Variants in CDKL2 observed in about 807,000 individuals in gnomAD.
CDKL2 encodes the protein cyclin-dependent kinase-like 2.
CDKL2 carries 64 observed loss-of-function variants against 63.9 expected under a neutral mutation model. The ratio of observed to expected loss-of-function variants is 1.00; its 90% CI spans 0.82 to 1.23. The LOEUF is 1.23. CDKL2 is among the 50% of genes most tolerant of loss of function. CDKL2 has a pLI of 0.00. For synonymous variants in CDKL2, 211 were observed against 229.2 expected, an observed-to-expected ratio of 0.92 and a Z score of 0.72; for missense variants, 656 against 668.0, an observed-to-expected ratio of 0.98 and a Z score of 0.20.
At chr4:75,591,757 C>G in intron 12 of CDKL2, 62 bp downstream of exon 12, 2 of 1,077,132 alleles carry the variant, frequency 1.9e-6, no homozygotes, top group Non-Finnish European at 2.7e-6. Context: ...CCCTAAAATA[C>G]TTTACTAGTA....
intron 1 of CDKL2, among the ~76,000 whole-genome samples, chr4:75,626,652 G>C (rs183336678): frequency 4.7e-5 from 4 of 84,482 alleles, no homozygotes; most frequent in Admixed American, 1.1e-4. Flanking sequence ...GGGCAACAGA[G>C]TGAGACTCCA....
At chr4:75,626,400 C>T (rs752733407) in intron 1 of CDKL2, among the ~76,000 whole-genome samples, 37 of 152,100 alleles carry the variant, frequency 2.4e-4, no homozygotes, top group Admixed American at 8.5e-4. Flanking sequence ...GGCGCAGTGG[C>T]TCACGCCTGT....
At chr4:75,582,163 AAGCCCACTAC>A (rs1414590745) in intron 12 of CDKL2, among the ~76,000 whole-genome samples, 5 of 152,214 alleles carry the variant, frequency 3.3e-5, no homozygotes, top group Non-Finnish European at 7.3e-5. Context: ...AAGGCAGTGT[AAGCCCACTAC>A]AGCCCATCTC....
intron 6 of CDKL2, among the ~76,000 whole-genome samples, chr4:75,600,724 G>T (rs1034986393): frequency 2.6e-5 from 4 of 152,170 alleles, no homozygotes; most frequent in Non-Finnish European, 4.4e-5. Flanking sequence ...TTCCCAAAAT[G>T]CTGGGATTAC....
At chr4:75,606,250 T>C (rs1267034986) in intron 4 of CDKL2, among the ~76,000 whole-genome samples, 1 of 150,886 alleles carries the variant, frequency 6.6e-6, no homozygotes, top group Non-Finnish European at 1.5e-5. Flanking sequence ...AATCTCACTC[T>C]GTCGCCCAGG....
chr4:75,603,744 TAA>T (rs371497008), intron 6 of CDKL2, 71 bp downstream of exon 6: 32,106 of 590,738 alleles, frequency 0.054, no homozygotes, highest in South Asian at 0.069. Flanking sequence ...ACTAGACAAG[TAA>T]AAAAAAAAAA....
At chr4:75,596,913 A>G in intron 9 of CDKL2, 22 bp downstream of exon 9, 1 of 1,574,448 alleles carries the variant, frequency 6.4e-7, no homozygotes, top group Non-Finnish European at 8.6e-7. Context: ...CACTTTTTTG[A>G]TCTTATTTTA....
rs1302869974 is a variant in CDKL2 at position 75,581,902 on chromosome 4, T to C, written c.1648-4A>G. 6.2e-7 allele frequency: 1 copy of C among 1,600,266 alleles called. No individual in the cohort carries two copies. Among genetic ancestry groups the C allele is most frequent in the South Asian group, 1.1e-5 (1 of 90,536 alleles). On this transcript the variant is annotated splice_region_variant and splice_polypyrimidine_tract_variant and intron_variant, in intron 12 of 13. Transcript: ENST00000307465. ...CTGACAGGGGAGGTCCTGATACCTA[T>C]AAATTAATAATAGAGCATCATAGGT...
Position 75,597,123 on chromosome 4 carries a change from G to A in CDKL2, c.1134C>T (p.Leu378=), listed in dbSNP as rs2148876612. 1 of 1,614,116 alleles carries A rather than the reference G, an allele frequency of 6.2e-7. No homozygotes were observed. The highest frequency in any genetic ancestry group is 8.5e-7 in the Non-Finnish European group (1 of 1,180,012). Residue 378 remains leucine (L), a synonymous_variant, in exon 9 of 14, where the codon CTC becomes CTT. Coordinates refer to ENST00000307465, the MANE Select transcript of CDKL2 (RefSeq NM_001330724.2). ...KGNRASNASC[L]HDSRTSHNKI... is the part of the protein sequence containing the mutation. ...TGTTGTGGCTTGTCCTACTGTCATG[G>A]AGACAGCTGGCATTTGAAGCTCTAT... is the stretch of plus-strand genomic sequence containing the variant.
chr4:75,616,206 A>T (rs1010874578), intron 2 of CDKL2, among the ~76,000 whole-genome samples: 5 of 152,066 alleles, frequency 3.3e-5, no homozygotes, highest in Non-Finnish European at 5.9e-5. Flanking sequence ...TGGGAGGCTG[A>T]AGTGGAGGGA....
At position 75,596,954 on chromosome 4, in the gene CDKL2, T is replaced by G. The variant is rs201875505; in HGVS notation, c.1303A>C (p.Ile435Leu). 1.6e-4 allele frequency: 251 copies of G among 1,613,608 alleles called. No individual in the cohort carries two copies. The highest frequency in any genetic ancestry group is 1.9e-4 in the Non-Finnish European group (226 of 1,179,642). Residue 435 changes from isoleucine (I) to leucine (L), a missense_variant, in exon 9 of 14, where the codon ATA becomes CTA. By Grantham distance (5) the Ile-to-Leu change is conservative. Coordinates refer to ENST00000307465, the MANE Select transcript of CDKL2 (RefSeq NM_001330724.2). ...SINSGMGTET[I>L]PIQGYRVDEK... ...TCATACCTGTAACCCTGAATTGGTA[T>G]AGTCTCAGTCCCCATTCCAGAATTA... is the stretch of plus-strand genomic sequence containing the variant.
intron 12 of CDKL2, among the ~76,000 whole-genome samples, chr4:75,586,380 C>T (rs1313273872): frequency 6.6e-6 from 1 of 151,814 alleles, no homozygotes; most frequent in Non-Finnish European, 1.5e-5. Flanking sequence ...CGCCTGCCAC[C>T]ACGCCCAGCT....
At position 75,596,320 on chromosome 4, in the gene CDKL2, TTC is replaced by T. The variant is rs1252399151; in HGVS notation, c.1341_1342del (p.Lys448ValfsTer7). On this transcript the variant is annotated frameshift_variant, in exon 10 of 14. Coordinates refer to ENST00000307465, the MANE Select transcript of CDKL2 (RefSeq NM_001330724.2). LOFTEE classifies it high-confidence loss of function. ...CGGTTTAACAAATGGAATAGAACAC[TTC>T]TTAGTTTTCTCATCCACTCTGTAAC... 18 of 1,609,996 alleles carry T rather than the reference TTC, an allele frequency of 1.1e-5. No homozygotes were observed. Among genetic ancestry groups the T allele is most frequent in the Non-Finnish European group, 1.4e-5 (17 of 1,176,328 alleles).
At chr4:75,598,592 T>TAAAA (rs576539566) in intron 7 of CDKL2, among the ~76,000 whole-genome samples, 19 of 145,888 alleles carry the variant, frequency 1.3e-4, no homozygotes, top group African/African-American at 3.3e-4. Context: ...TTTTTTTTTT[T>TAAAA]AAAAAAAAAA....
rs867648297 is a variant in CDKL2 at position 75,598,750 on chromosome 4, C to T, written c.885-538G>A. ...AGCACCTCTGCTACAAACCGAAACA[C>T]TATGGTTGTCTTAAGAAAAATGCTT... On this transcript the variant is annotated intron_variant, in intron 7 of 13. Coordinates refer to ENST00000307465, the MANE Select transcript of CDKL2 (RefSeq NM_001330724.2). Among the ~76,000 whole-genome samples, 8 of 152,060 alleles carry T rather than the reference C, an allele frequency of 5.3e-5. 1 individual carries two copies. In the South Asian group the frequency reaches 1.7e-3, roughly 32 times the overall value.
At chr4:75,605,776 A>G (rs1578336194) in intron 4 of CDKL2, 142 bp from the exon 5 acceptor site, 1 of 582,486 alleles carries the variant, frequency 1.7e-6, no homozygotes, top group Non-Finnish European at 3.1e-6. Context: ...GGCATGCTCC[A>G]ATGGTATAAT....
At chr4:75,608,521 G>C (rs1371253537) in intron 3 of CDKL2, among the ~76,000 whole-genome samples, 2 of 152,144 alleles carry the variant, frequency 1.3e-5, no homozygotes, top group Non-Finnish European at 2.9e-5. Context: ...GGGAACCCAT[G>C]GAAGTGATAG....
At position 75,607,335 on chromosome 4, in the gene CDKL2, C is replaced by A. The variant is rs750133894; in HGVS notation, c.390G>T (p.Glu130Asp). ...CGCCAGACTGGGAGACTAATATATT[C>A]TCTGGCTTTATATCTCTGTGTATGA... ...HNIIHRDIKP[E>D]NILVSQSGVV... Residue 130 changes from glutamate to aspartate, a missense_variant, in exon 4 of 14, where the codon GAG (glutamate) becomes GAT (aspartate). Transcript: ENST00000307465. 3.7e-6 allele frequency: 6 copies of A among 1,613,692 alleles called. No homozygotes were observed. In the East Asian group the frequency reaches 8.9e-5, roughly 24 times the overall value.
In CDKL2 at chr4:75,605,595, T is replaced by C. The variant is rs746454169; in HGVS notation, c.582A>G (p.Glu194=). 1 of 1,613,720 alleles carries C rather than the reference T, an allele frequency of 6.2e-7. No homozygotes were observed. Among genetic ancestry groups the C allele is most frequent in the Non-Finnish European group, 8.5e-7 (1 of 1,179,654 alleles). Residue 194 remains glutamate, a synonymous_variant, in exon 5 of 14, where the codon GAA becomes GAG. Coordinates refer to ENST00000307465, the MANE Select transcript of CDKL2 (RefSeq NM_001330724.2). The part of the protein sequence containing the change: ...DVWAIGCLVT[E]MFMGEPLFPG... ...GAAATAGGGGTTCCCCCATGAACAT[T>C]TCAGTTACCAGACAACCAATGGCCC...
Sources: allele counts gnomAD v4.1 joint callset (sites outside exome capture counted in the v4.1 genomes callset), GRCh38; gene constraint gnomAD v4.1.1; transcripts MANE v1.5; gene names NCBI Gene and HGNC (gene_info 2026-07-23, HGNC 2026-07-21).